TYRP1: variants seen among roughly 807,000 people sequenced by gnomAD.
The protein encoded by TYRP1 is tyrosinase related protein 1.
TYRP1 carries 49 observed loss-of-function variants against 42.8 expected under a neutral mutation model. The observed-to-expected ratio is 1.14, with a 90% CI of 0.91 to 1.45. The LOEUF is 1.45. TYRP1 is among the 40% of genes most tolerant of loss of function. The pLI is 0.00. For synonymous variants in TYRP1, 279 were observed against 235.4 expected, an observed-to-expected ratio of 1.19 and a Z score of -1.69; for missense variants, 848 against 662.0, an observed-to-expected ratio of 1.28 and a Z score of -3.08.
chr9:12,696,059 A>C (rs971603639), intron 3 of TYRP1, among the ~76,000 whole-genome samples: 2 of 152,228 alleles, frequency 1.3e-5, no homozygotes, highest in African/African-American at 4.8e-5. Context: ...AATAATGAGC[A>C]AAATGAGACA....
At chr9:12,702,120 T>C (rs1215618145) in intron 4 of TYRP1, 151 bp from the exon 5 acceptor site, 2 of 746,832 alleles carry the variant, frequency 2.7e-6, no homozygotes, top group African/African-American at 3.5e-5. Context: ...GATTTTCTCA[T>C]TTTAATGCTA....
intron 6 of TYRP1, among the ~76,000 whole-genome samples, chr9:12,707,106 TCAATTC>T (rs1818270793): frequency 6.6e-6 from 1 of 151,996 alleles, no homozygotes; most frequent in Non-Finnish European, 1.5e-5. Context: ...CACATTCAAT[TCAATTC>T]CTTCTCTTTT....
intron 5 of TYRP1, 36 bp from the exon 6 acceptor site, chr9:12,704,490 A>G: frequency 6.3e-7 from 1 of 1,598,124 alleles, no homozygotes; most frequent in East Asian, 2.2e-5. Flanking sequence ...AATATTTGCA[A>G]TAGTTTTACT....
At chr9:12,693,858 A>T in intron 1 of TYRP1, 54 bp from the exon 2 acceptor site, 1 of 1,215,270 alleles carries the variant, frequency 8.2e-7, no homozygotes, top group Non-Finnish European at 1.2e-6. Flanking sequence ...GGGGCATACC[A>T]TTTTAAGTAC....
In TYRP1 at chr9:12,708,007, A is replaced by T; in HGVS notation, c.1272A>T (p.Thr424=). ...TTTGGAATAATTTAGATATATCCAC[A>T]TTTCCATTGGAAAATGCCCCTATTG... ...WLRRYNADIS[T]FPLENAPIGH... Residue 424 remains threonine, a synonymous_variant, in exon 7 of 8, where the codon ACA becomes ACT. Transcript: ENST00000388918. 6.2e-7 allele frequency: 1 copy of T among 1,611,706 alleles called. No individual in the cohort carries two copies. The highest frequency in any genetic ancestry group is 8.5e-7 in the Non-Finnish European group (1 of 1,178,538).
chr9:12,708,374 G>A (rs1448942071), intron 7 of TYRP1, among the ~76,000 whole-genome samples: 1 of 151,918 alleles, frequency 6.6e-6, no homozygotes, highest in African/African-American at 2.4e-5. Flanking sequence ...TCCTCACAAT[G>A]CTTTGGGGTG....
At chr9:12,703,251 C>CA (rs993639931) in intron 5 of TYRP1, among the ~76,000 whole-genome samples, 3 of 151,774 alleles carry the variant, frequency 2.0e-5, no homozygotes, top group Non-Finnish European at 4.4e-5. Context: ...CCCATCTCCC[C>CA]AAAAAATGCA....
intron 6 of TYRP1, 110 bp downstream of exon 6, chr9:12,704,815 G>A (rs1818232372): frequency 2.8e-6 from 3 of 1,075,306 alleles, no homozygotes; most frequent in Non-Finnish European, 4.3e-6. Context: ...TTCAAAATAA[G>A]GATAGCATAG....
intron 6 of TYRP1, among the ~76,000 whole-genome samples, chr9:12,706,056 A>T (rs752970850): frequency 1.3e-5 from 2 of 152,196 alleles, no homozygotes; most frequent in Non-Finnish European, 2.9e-5. Flanking sequence ...TACATACTAT[A>T]AAAACAACAT....
intron 4 of TYRP1, chr9:12,701,596 A>G (rs1818169753): frequency 6.6e-6 from 1 of 151,778 alleles, no homozygotes; most frequent in Non-Finnish European, 1.5e-5. Flanking sequence ...TTCTTTATAA[A>G]GCCTTTCTGG....
Position 12,708,136 on chromosome 9 carries a change from A to G in TYRP1, c.1401A>G (p.Gln467=), listed in dbSNP as rs1295894692. The G allele has an allele frequency of 2.5e-6, 4 of 1,612,448 alleles. No individual in the cohort carries two copies. The highest frequency in any genetic ancestry group is 1.7e-5 in the Admixed American group (1 of 59,764). ...ACCTGGGATACACTTATGAAATTCA[A>G]TGGCCAAGTGAGTGTTGAAAGTGTA... is the stretch of plus-strand genomic sequence containing the variant. ...PDNLGYTYEI[Q]WPSREFSVPE... is the part of the protein sequence containing the mutation. Residue 467 remains glutamine (Q), a synonymous_variant, in exon 7 of 8, where the codon CAA becomes CAG. Coordinates refer to ENST00000388918, the MANE Select transcript of TYRP1 (RefSeq NM_000550.3).
Position 12,709,216 on chromosome 9 carries a change from A to C in TYRP1, c.*34A>C. On this transcript the variant is annotated 3_prime_UTR_variant, in exon 8 of 8. Transcript: ENST00000388918. ...CTACTCTCTTATGCATTAGTATCACAAAACCACCTGGTTGAATATAATAGA... is the reference window on the plus strand; with the variant it reads ...CTACTCTCTTATGCATTAGTATCACCAAACCACCTGGTTGAATATAATAGA... The C allele has an allele frequency of 1.3e-6, 2 of 1,581,246 alleles. No homozygotes were observed. The highest frequency in any genetic ancestry group is 1.7e-6 in the Non-Finnish European group (2 of 1,151,028).
chr9:12,697,297 T>G (rs999170656), intron 3 of TYRP1, among the ~76,000 whole-genome samples: 3 of 152,120 alleles, frequency 2.0e-5, no homozygotes, highest in African/African-American at 7.2e-5. Flanking sequence ...ATGCAACAAA[T>G]TAGAATTTAA....
rs886741745 is a variant in TYRP1, at chr9:12,709,469, A to AAGAT, written c.*289_*292dup. 2.6e-5 allele frequency: 8 copies of AAGAT among 303,646 alleles called. No individual in the cohort carries two copies. The highest frequency in any genetic ancestry group is 7.7e-5 in the African/African-American group (1 of 12,970). The allele number at this position is 303,646 out of a possible 1,614,324, so 18.8% of individuals were successfully genotyped here. A position where few individuals can be genotyped will look rare whatever the true frequency, so the allele number is the denominator to read the frequency against. Reference sequence around the variant, plus strand: ...GCATGATTTAAAGGTTGAGTATGTGAAGATATAAGTAAGTGAACTACCATG... The same window carrying AAGAT: ...GCATGATTTAAAGGTTGAGTATGTGAAGATAGATATAAGTAAGTGAACTACCATG... On this transcript the variant is annotated 3_prime_UTR_variant, in exon 8 of 8. Transcript: ENST00000388918.
chr9:12,707,744 T>C (rs1204505829), intron 6 of TYRP1: 14 of 410,486 alleles, frequency 3.4e-5, no homozygotes, highest in Admixed American at 2.1e-4. Flanking sequence ...CCATAGGTGA[T>C]GAAATACTAA....
chr9:12,708,127 T>C lies in TYRP1; in HGVS notation c.1392T>C (p.Tyr464=), dbSNP rs146316747. 15 of 1,612,680 alleles carry C rather than the reference T, an allele frequency of 9.3e-6. No homozygotes were observed. In the South Asian group the frequency reaches 1.2e-4, roughly 13 times the overall value. Residue 464 remains tyrosine (Y), a synonymous_variant, in exon 7 of 8, where the codon TAT becomes TAC. Transcript: ENST00000388918. ...CTCCAGACAACCTGGGATACACTTA[T>C]GAAATTCAATGGCCAAGTGAGTGTT... ...VTAPDNLGYT[Y]EIQWPSREFS...
chr9:12,704,427 G>A, intron 5 of TYRP1, 99 bp from the exon 6 acceptor site: 1 of 1,390,030 alleles, frequency 7.2e-7, no homozygotes, highest in Non-Finnish European at 9.9e-7. Flanking sequence ...GGCCTGACGA[G>A]CCTTGAAAAA....
rs114399881 is a variant in TYRP1 at position 12,702,753 on chromosome 9, T to C, written c.1081+315T>C. 5.7e-3 allele frequency among the ~76,000 whole-genome samples: 860 copies of C among 152,156 alleles called. 9 individuals carry two copies. Among genetic ancestry groups the C allele is most frequent in the African/African-American group, 0.019 (803 of 41,564 alleles). ...TGTAACTATATCAAGGTCTCTAGCA[T>C]TGGCAAACAATATTCAAGACTTTGA... On this transcript the variant is annotated intron_variant, in intron 5 of 7. Coordinates refer to ENST00000388918, the MANE Select transcript of TYRP1 (RefSeq NM_000550.3).
intron 5 of TYRP1, among the ~76,000 whole-genome samples, chr9:12,702,872 A>C (rs1445012819): frequency 6.6e-6 from 1 of 152,038 alleles, no homozygotes; most frequent in Non-Finnish European, 1.5e-5. Flanking sequence ...TTGCTTGCGC[A>C]TATGTTTTAT....
Sources: gnomAD v4.1 joint callset for allele counts (sites outside exome capture counted in the v4.1 genomes callset) on GRCh38, gnomAD v4.1.1 for gene constraint, MANE v1.5 for transcripts, NCBI Gene and HGNC (gene_info 2026-07-23, HGNC 2026-07-21) for gene names.